ASCC1: variants seen among roughly 807,000 people sequenced by gnomAD.
The protein encoded by ASCC1 is activating signal cointegrator 1 complex subunit 1, also known as ASC-1 complex subunit P50.
Under a neutral mutation model 46.6 loss-of-function variants are expected in ASCC1, and 35 were observed. That is an observed-to-expected ratio of 0.75 (90% CI 0.57 to 0.99). The LOEUF is 0.99. ASCC1 is among the 50% of genes least tolerant of loss of function. ASCC1 has a pLI of 0.00. For synonymous variants in ASCC1, 143 were observed against 146.6 expected (o/e 0.98, Z 0.18); for missense variants, 376 against 428.7 (o/e 0.88, Z 1.09).
intron 7 of ASCC1, among the ~76,000 whole-genome samples, chr10:72,150,227 A>G (rs1350433610): frequency 6.6e-6 from 1 of 152,030 alleles, no homozygotes; most frequent in Non-Finnish European, 1.5e-5. Flanking sequence ...ACACACCAAA[A>G]TAGCTCCTAT....
intron 1 of ASCC1, among the ~76,000 whole-genome samples, chr10:72,215,161 A>G (rs1858951200): frequency 6.6e-6 from 1 of 152,180 alleles, no homozygotes; most frequent in African/African-American, 2.4e-5. Context: ...CCAGCACTTT[A>G]GGAGGCCGAG....
At chr10:72,151,956 T>G (rs1848393205) in intron 7 of ASCC1, among the ~76,000 whole-genome samples, 1 of 150,766 alleles carries the variant, frequency 6.6e-6, no homozygotes, top group Admixed American at 6.7e-5. Context: ...CCCAAGGCAC[T>G]GGGATTACAG....
At chr10:72,110,599 C>T (rs112668807) in intron 9 of ASCC1, among the ~76,000 whole-genome samples, 6 of 152,292 alleles carry the variant, frequency 3.9e-5, no homozygotes, top group East Asian at 1.9e-4. Flanking sequence ...CCAGCCTAAC[C>T]AACATGGTGA....
chr10:72,137,327 G>C (rs1054696670), intron 7 of ASCC1, among the ~76,000 whole-genome samples: 1 of 151,956 alleles, frequency 6.6e-6, no homozygotes. Flanking sequence ...AGAAGTTCGA[G>C]ATCAGCCTGG....
chr10:72,183,874 T>C (rs1853026635), intron 5 of ASCC1, among the ~76,000 whole-genome samples: 2 of 152,284 alleles, frequency 1.3e-5, no homozygotes, highest in South Asian at 2.1e-4. Context: ...CTGGGCACAG[T>C]GGCTCATGCC....
At chr10:72,217,010 C>A (rs1564786605), upstream of ASCC1, 2 of 454,764 alleles carry the variant, frequency 4.4e-6, no homozygotes, top group South Asian at 3.1e-5. Flanking sequence ...CCTGCATGAC[C>A]TTTGCTGAGC....
Position 72,210,775 on chromosome 10 carries a change from GT to G in ASCC1, c.168del (p.Gln57LysfsTer7). On this transcript the variant is annotated frameshift_variant, in exon 3 of 10. Transcript: ENST00000672957. LOFTEE classifies it high-confidence loss of function. ...GCCCTCAAAGTAGACCGGAATCCTT[GT>G]GGGGTCTGCTCCACCTCGTAGGCAT... ...PCDAYEVEQTPQGFRSTLRAP... is the reference protein window; with the variant it reads ...PCDAYEVEQTXQGFRSTLRAP... 1.2e-6 allele frequency: 2 copies of G among 1,614,094 alleles called. No individual in the cohort carries two copies. The highest frequency in any genetic ancestry group is 1.7e-6 in the Non-Finnish European group (2 of 1,180,012).
chr10:72,136,433 G>C (rs1589292959), intron 7 of ASCC1, among the ~76,000 whole-genome samples: 1 of 152,162 alleles, frequency 6.6e-6, no homozygotes, highest in East Asian at 1.9e-4. Context: ...AGCACTCTGT[G>C]TCTAGCTAAA....
chr10:72,120,995 T>C (rs1564604881), intron 9 of ASCC1, among the ~76,000 whole-genome samples: 1 of 152,112 alleles, frequency 6.6e-6, no homozygotes, highest in African/African-American at 2.4e-5. Context: ...CAGTAACATA[T>C]ATAATAAACA....
intron 9 of ASCC1, among the ~76,000 whole-genome samples, chr10:72,124,081 A>G (rs936692738): frequency 2.0e-4 from 30 of 152,360 alleles, no homozygotes; most frequent in African/African-American, 7.2e-4. Context: ...AGATGGGACA[A>G]AACCAAAACT....
chr10:72,169,578 T>C (rs972939517), intron 5 of ASCC1, among the ~76,000 whole-genome samples: 1 of 151,964 alleles, frequency 6.6e-6, no homozygotes, highest in African/African-American at 2.4e-5. Context: ...AAAACAATGA[T>C]ATTGGTCACC....
intron 5 of ASCC1, among the ~76,000 whole-genome samples, chr10:72,184,592 T>A (rs1853169845): frequency 6.6e-6 from 1 of 152,078 alleles, no homozygotes; most frequent in East Asian, 1.9e-4. Context: ...TATAAAAGGA[T>A]CTTATCAAGA....
chr10:72,134,243 C>CAAT lies in ASCC1; in HGVS notation c.747-1065_747-1063dup, dbSNP rs1228058710. On this transcript the variant is annotated intron_variant, in intron 7 of 9. Transcript: ENST00000672957. Reference sequence around the variant, plus strand: ...GCCAGAAGTTCAAGATCCACTTGAGCAATATAGCAATACCTCGTCTCTACA... The same window carrying CAAT: ...GCCAGAAGTTCAAGATCCACTTGAGCAATAATATAGCAATACCTCGTCTCTACA... 3 of 152,166 alleles carry CAAT rather than the reference C, an allele frequency of 2.0e-5. No individual in the cohort carries two copies. In the East Asian group the frequency reaches 5.8e-4, roughly 29 times the overall value. 9.4% of individuals were successfully genotyped at this position (152,166 alleles called of 1,614,324 possible).
intron 5 of ASCC1, among the ~76,000 whole-genome samples, chr10:72,174,430 T>C (rs986282666): frequency 9.9e-5 from 15 of 152,170 alleles, no homozygotes; most frequent in African/African-American, 3.6e-4. Context: ...CATTCTCTGC[T>C]TCCTTAAAGC....
chr10:72,125,406 AT>A (rs1016127375), intron 9 of ASCC1, among the ~76,000 whole-genome samples: 13 of 152,004 alleles, frequency 8.6e-5, no homozygotes, highest in Non-Finnish European at 1.9e-4. Flanking sequence ...AGTGAAATTG[AT>A]TTTTTTTCTT....
chr10:72,118,105 C>T (rs1276051698), intron 9 of ASCC1, among the ~76,000 whole-genome samples: 4 of 152,176 alleles, frequency 2.6e-5, no homozygotes, highest in Admixed American at 6.5e-5. Flanking sequence ...TGGTGGCTCA[C>T]GCCTGTAATC....
intron 5 of ASCC1, among the ~76,000 whole-genome samples, chr10:72,165,145 G>A (rs186017428): frequency 1.1e-4 from 16 of 151,582 alleles, no homozygotes; most frequent in Middle Eastern, 3.4e-3. Flanking sequence ...ACGGAGTTTC[G>A]CTCTTGTTGC....
chr10:72,133,198 A>T lies in ASCC1; in HGVS notation c.747-17T>A. 1 of 1,613,760 alleles carries T rather than the reference A, an allele frequency of 6.2e-7. No homozygotes were observed. Among genetic ancestry groups the T allele is most frequent in the Non-Finnish European group, 8.5e-7 (1 of 1,179,656 alleles). ...TCTTGTAGCCTGGAGAAATTGGAGA[A>T]AAGTAATGCAGAAATCTTAGTAAAC... is the stretch of plus-strand genomic sequence containing the variant. On this transcript the variant is annotated splice_polypyrimidine_tract_variant and intron_variant, in intron 7 of 9. Transcript: ENST00000672957.
chr10:72,161,951 T>A (rs1046500741), intron 5 of ASCC1, among the ~76,000 whole-genome samples: 1 of 152,098 alleles, frequency 6.6e-6, no homozygotes, highest in Non-Finnish European at 1.5e-5. Flanking sequence ...TTCTCAGATA[T>A]GACACCAAAA....
Sources: allele counts gnomAD v4.1 joint callset (sites outside exome capture counted in the v4.1 genomes callset), GRCh38; gene constraint gnomAD v4.1.1; transcripts MANE v1.5; gene names NCBI Gene and HGNC (gene_info 2026-07-23, HGNC 2026-07-21).